RNF10: variants seen among roughly 807,000 people sequenced by gnomAD.
The protein encoded by RNF10 is E3 ubiquitin-protein ligase RNF10.
RNF10 carries 38 observed loss-of-function variants against 91.4 expected under a neutral mutation model. That is an observed-to-expected ratio of 0.42 (90% CI 0.32 to 0.54). The LOEUF is 0.54. RNF10 is among the 20% of genes least tolerant of loss of function. RNF10 has a pLI of 0.16. For missense variants in RNF10, 945 were observed against 1,012.0 expected, an observed-to-expected ratio of 0.93 and a Z score of 0.90; for synonymous variants, 364 against 366.3, an observed-to-expected ratio of 0.99 and a Z score of 0.07.
At chr12:120,554,852 A>G (rs1310731695) in intron 4 of RNF10, 44 bp downstream of exon 4, 1 of 1,448,736 alleles carries the variant, frequency 6.9e-7, no homozygotes, top group Admixed American at 1.7e-5. Flanking sequence ...TGGGAGCACT[A>G]AATAAAGGCA....
chr12:120,563,590 C>A lies in RNF10; in HGVS notation c.1498C>A (p.Leu500Ile), dbSNP rs1462547271. 2 of 1,608,696 alleles carry A rather than the reference C, an allele frequency of 1.2e-6. No individual in the cohort carries two copies. The highest frequency in any genetic ancestry group is 2.7e-5 in the African/African-American group (2 of 74,760). ...EPITKSGFTR[L>I]SSSPCYYFYQ... ...CATCACCAAGTCAGGCTTCACACGC[C>A]TCAGCAGCTCTCCTTGTTACTACTT... The change falls in exon 9 of 17, where the codon CTC (leucine) becomes ATC (isoleucine). Residue 500 changes from leucine (L) to isoleucine (I), a missense_variant. Transcript: ENST00000325954.
chr12:120,552,823 T>C (rs1178871646), intron 3 of RNF10, 125 bp downstream of exon 3: 1 of 824,730 alleles, frequency 1.2e-6, no homozygotes, highest in Non-Finnish European at 1.9e-6. Flanking sequence ...GTCTCGTTCT[T>C]TTTCTGTTCA....
intron 7 of RNF10, 88 bp downstream of exon 7, chr12:120,560,974 T>C (rs1004423012): frequency 1.3e-5 from 18 of 1,349,634 alleles, no homozygotes; most frequent in African/African-American, 4.3e-5. Context: ...TTTCACTCTG[T>C]CGGGGGTGAG....
intron 1 of RNF10, among the ~76,000 whole-genome samples, chr12:120,540,720 A>G (rs953217391): frequency 5.9e-5 from 9 of 152,162 alleles, no homozygotes; most frequent in Non-Finnish European, 7.3e-5. Context: ...GTCAGTTGTT[A>G]TGTGTTTTGG....
At chr12:120,543,494 G>A (rs1046296566) in intron 1 of RNF10, among the ~76,000 whole-genome samples, 2 of 151,848 alleles carry the variant, frequency 1.3e-5, no homozygotes, top group Non-Finnish European at 2.9e-5. Flanking sequence ...TGAGACCCCC[G>A]TCTGCACAAA....
intron 7 of RNF10, 36 bp downstream of exon 7, chr12:120,560,922 C>T (rs372337787): frequency 6.3e-7 from 1 of 1,597,522 alleles, no homozygotes; most frequent in African/African-American, 1.3e-5. Flanking sequence ...AACCTTTTCA[C>T]TTTCTCGGCG....
At chr12:120,546,335 A>C (rs939498085) in intron 1 of RNF10, 70 bp from the exon 2 acceptor site, 1 of 1,417,420 alleles carries the variant, frequency 7.1e-7, no homozygotes, top group Non-Finnish European at 9.7e-7. Context: ...TTTTGCTGGG[A>C]GGTGGAGGGC....
chr12:120,551,067 C>G (rs906454373), intron 2 of RNF10, among the ~76,000 whole-genome samples: 5 of 151,284 alleles, frequency 3.3e-5, no homozygotes, highest in African/African-American at 1.2e-4. Context: ...CCCACTGCAG[C>G]CTTGACCTAC....
At chr12:120,575,189 T>C (rs1213437782) in intron 14 of RNF10, 1 of 170,028 alleles carries the variant, frequency 5.9e-6, no homozygotes, top group Non-Finnish European at 1.3e-5. Flanking sequence ...TGAGCCAATA[T>C]TGTGCCATTG....
chr12:120,567,043 T>A (rs561180434), intron 13 of RNF10, 63 bp downstream of exon 13: 1 of 1,525,876 alleles, frequency 6.6e-7, no homozygotes, highest in South Asian at 1.2e-5. Flanking sequence ...CTTTGGTGTC[T>A]GAGTTTACAA....
chr12:120,575,766 A>T, intron 15 of RNF10, 26 bp from the exon 16 acceptor site: 1 of 1,614,056 alleles, frequency 6.2e-7, no homozygotes, highest in Non-Finnish European at 8.5e-7. Flanking sequence ...AGTTGTTTCT[A>T]TAGTTTTAAC....
intron 12 of RNF10, 46 bp from the exon 13 acceptor site, chr12:120,566,779 A>T (rs1478258744): frequency 1.3e-5 from 19 of 1,488,730 alleles, no homozygotes; most frequent in Non-Finnish European, 1.5e-5. Flanking sequence ...AAAAAAAAAA[A>T]TTGAATTCTG....
intron 6 of RNF10, among the ~76,000 whole-genome samples, chr12:120,559,672 C>T (rs190877390): frequency 2.7e-5 from 4 of 150,888 alleles, no homozygotes; most frequent in East Asian, 3.9e-4. Context: ...TGTGAGCCAC[C>T]GTACTCCGCC....
Position 120,575,940 on chromosome 12 carries a change from T to A in RNF10, c.2349T>A (p.Asp783Glu). The A allele has an allele frequency of 6.2e-7, 1 of 1,613,658 alleles. No homozygotes were observed. The highest frequency in any genetic ancestry group is 8.5e-7 in the Non-Finnish European group (1 of 1,180,024). ...FMKLDTPATS[D>E]PLSEEKGGKK... ...AACTGGACACACCAGCTACTTCAGA[T>A]CCCCTCTCTGGTAAGGGCAGAGGCT... The change falls in exon 16 of 17, where the codon GAT (aspartate) becomes GAA (glutamate). Residue 783 changes from aspartate (D) to glutamate (E), a missense_variant. Coordinates refer to ENST00000325954, the MANE Select transcript of RNF10 (RefSeq NM_014868.5).
chr12:120,569,362 T>C (rs1003038790), intron 13 of RNF10, among the ~76,000 whole-genome samples: 2 of 152,134 alleles, frequency 1.3e-5, no homozygotes, highest in African/African-American at 2.4e-5. Context: ...TTTGTTCATA[T>C]GCATATCATT....
At chr12:120,568,590 C>G (rs1054270452) in intron 13 of RNF10, among the ~76,000 whole-genome samples, 1 of 151,756 alleles carries the variant, frequency 6.6e-6, no homozygotes, top group Non-Finnish European at 1.5e-5. Flanking sequence ...ATTCTTCTGC[C>G]TCAGCCTCAT....
At chr12:120,542,800 G>C (rs1218641370) in intron 1 of RNF10, among the ~76,000 whole-genome samples, 1 of 152,150 alleles carries the variant, frequency 6.6e-6, no homozygotes, top group African/African-American at 2.4e-5. Flanking sequence ...TGATCTGCCT[G>C]CCTTGGCCTC....
At chr12:120,574,574 T>A in intron 14 of RNF10, 1 of 455,272 alleles carries the variant, frequency 2.2e-6, no homozygotes, top group South Asian at 1.6e-5. Flanking sequence ...CAGGAGAGAG[T>A]TTAGTTAGTT....
chr12:120,563,991 A>G (rs756997830), intron 10 of RNF10, 48 bp downstream of exon 10: 92 of 1,608,684 alleles, frequency 5.7e-5, no homozygotes, highest in Non-Finnish European at 5.9e-5. Flanking sequence ...GTATTAACCT[A>G]ATCTCTTTGA....
Sources: allele counts gnomAD v4.1 joint callset (sites outside exome capture counted in the v4.1 genomes callset), GRCh38; gene constraint gnomAD v4.1.1; transcripts MANE v1.5; gene names NCBI Gene and HGNC (gene_info 2026-07-23, HGNC 2026-07-21).